PALM2AKAP2: variants seen among roughly 807,000 people sequenced by gnomAD.
The protein encoded by PALM2AKAP2 is PALM2-AKAP2 fusion protein.
A neutral mutation model predicts 71.5 loss-of-function variants in PALM2AKAP2; 37 were observed. That is an observed-to-expected ratio of 0.52 (90% CI 0.40 to 0.68). PALM2AKAP2 has a LOEUF of 0.68. Among genes scored for constraint, PALM2AKAP2 ranks in the 30% least tolerant of loss-of-function variants. The pLI is 0.00. For missense variants in PALM2AKAP2, 1,224 were observed against 1,191.8 expected, an observed-to-expected ratio of 1.03 and a Z score of -0.40; for synonymous variants, 468 against 478.8, an observed-to-expected ratio of 0.98 and a Z score of 0.29.
At chr9:110,077,781 C>T (rs530003149) in intron 1 of PALM2AKAP2, among the ~76,000 whole-genome samples, 55 of 152,142 alleles carry the variant, frequency 3.6e-4, no homozygotes, top group Non-Finnish European at 5.6e-4. Context: ...TTTGGGAGGC[C>T]GAGGTGGTCG....
chr9:109,703,746 T>C (rs1279289282), intron 1 of PALM2AKAP2, among the ~76,000 whole-genome samples: 1 of 143,244 alleles, frequency 7.0e-6, no homozygotes, highest in East Asian at 2.0e-4. Context: ...ATATAAACTT[T>C]AGATATATCA....
At chr9:109,699,828 G>A (rs899539586) in intron 1 of PALM2AKAP2, among the ~76,000 whole-genome samples, 4 of 150,116 alleles carry the variant, frequency 2.7e-5, no homozygotes, top group Admixed American at 6.6e-5. Context: ...AGGCTGGAGT[G>A]CAGTGGGCAT....
chr9:109,649,685 A>C (rs982345795), intron 1 of PALM2AKAP2, among the ~76,000 whole-genome samples: 1 of 152,204 alleles, frequency 6.6e-6, no homozygotes, highest in Non-Finnish European at 1.5e-5. Flanking sequence ...TGCATTTATT[A>C]TCCATTTCCA....
At chr9:109,650,222 T>C (rs994492509) in intron 1 of PALM2AKAP2, among the ~76,000 whole-genome samples, 28 of 152,142 alleles carry the variant, frequency 1.8e-4, no homozygotes, top group African/African-American at 4.8e-4. Context: ...CCACCAAACA[T>C]TGGGCCTTTG....
intron 3 of PALM2AKAP2, among the ~76,000 whole-genome samples, chr9:110,165,216 G>T (rs775377672): frequency 2.0e-5 from 3 of 151,158 alleles, no homozygotes; most frequent in Non-Finnish European, 4.4e-5. Flanking sequence ...ATAAAGGAAT[G>T]AACTTTAGAA....
At chr9:109,675,888 A>G (rs1334984579) in intron 1 of PALM2AKAP2, among the ~76,000 whole-genome samples, 3 of 152,084 alleles carry the variant, frequency 2.0e-5, no homozygotes, top group East Asian at 3.8e-4. Context: ...CCTTTACCAC[A>G]TTTATAGAAA....
chr9:109,700,386 T>TC (rs994401628), intron 1 of PALM2AKAP2, among the ~76,000 whole-genome samples: 11 of 152,278 alleles, frequency 7.2e-5, no homozygotes, highest in African/African-American at 2.6e-4. Context: ...TGCTCCTCCT[T>TC]CGCCTTCCGC....
exon 2 of PALM2AKAP2, chr9:110,137,214 C>T: frequency 6.2e-7 from 1 of 1,614,190 alleles, no homozygotes; most frequent in South Asian, 1.1e-5. Flanking sequence ...TTCTCTGCTG[C>T]TCGCAAACAA....
chr9:109,757,511 T>C (rs2182814), intron 1 of PALM2AKAP2, among the ~76,000 whole-genome samples: 30,591 of 152,040 alleles, frequency 0.2, 3,581 homozygotes, highest in East Asian at 0.4. Flanking sequence ...GAGGCAGGTC[T>C]GCCCCATACA....
At chr9:110,152,244 G>A (rs1407732463) in intron 2 of PALM2AKAP2, among the ~76,000 whole-genome samples, 2 of 151,630 alleles carry the variant, frequency 1.3e-5, no homozygotes, top group Non-Finnish European at 2.9e-5. Context: ...AAAAATGAAA[G>A]AAAAAAAAGT....
intron 1 of PALM2AKAP2, among the ~76,000 whole-genome samples, chr9:109,771,069 T>C (rs1187965139): frequency 6.6e-6 from 1 of 152,226 alleles, no homozygotes; most frequent in Non-Finnish European, 1.5e-5. Context: ...CTTCATCACA[T>C]GCAAACAATG....
At chr9:109,701,926 C>A (rs1382880399) in intron 1 of PALM2AKAP2, among the ~76,000 whole-genome samples, 3 of 151,922 alleles carry the variant, frequency 2.0e-5, no homozygotes, top group Admixed American at 2.0e-4. Flanking sequence ...AAAAAGTGGG[C>A]AAAGGATATG....
At chr9:109,732,747 G>T (rs1828575297) in intron 1 of PALM2AKAP2, among the ~76,000 whole-genome samples, 1 of 152,158 alleles carries the variant, frequency 6.6e-6, no homozygotes, top group Non-Finnish European at 1.5e-5. Flanking sequence ...TCAGGGGAGG[G>T]GTTAGAGAAT....
chr9:109,683,566 T>C (rs754702137), intron 1 of PALM2AKAP2, among the ~76,000 whole-genome samples: 3 of 152,196 alleles, frequency 2.0e-5, no homozygotes, highest in East Asian at 1.9e-4. Context: ...TTCAGCACTG[T>C]AGAGAATACA....
At chr9:110,093,418 C>A (rs1337200465) in intron 1 of PALM2AKAP2, among the ~76,000 whole-genome samples, 1 of 152,022 alleles carries the variant, frequency 6.6e-6, no homozygotes, top group Non-Finnish European at 1.5e-5. Flanking sequence ...GAAAAATGGG[C>A]TTCAAGGACA....
intron 1 of PALM2AKAP2, among the ~76,000 whole-genome samples, chr9:110,113,590 C>T (rs1316709771): frequency 6.6e-6 from 1 of 151,614 alleles, no homozygotes; most frequent in African/African-American, 2.4e-5. Context: ...GTGGCACAAT[C>T]TCGGCTCACT....
rs533326281 is a variant in PALM2AKAP2, at chr9:109,858,560, G to A, written c.46-8931G>A. 3.3e-5 allele frequency among the ~76,000 whole-genome samples: 5 copies of A among 152,230 alleles called. No individual in the cohort carries two copies. In the South Asian group the frequency reaches 1.0e-3, roughly 32 times the overall value. ...TCGTGGCAGAGCCCCTACCTGATAC[G>A]AGATCTCCTGACTCTGCTCACGAGA... On this transcript the variant is annotated intron_variant, in intron 1 of 9. Transcript: ENST00000302798.
At chr9:110,133,408 A>C (rs1200142749) in intron 1 of PALM2AKAP2, among the ~76,000 whole-genome samples, 1 of 151,884 alleles carries the variant, frequency 6.6e-6, no homozygotes, top group Non-Finnish European at 1.5e-5. Flanking sequence ...TTTTTTTTTA[A>C]AGGGTGTTGT....
intron 5 of PALM2AKAP2, among the ~76,000 whole-genome samples, chr9:109,930,631 C>G (rs1369738966): frequency 6.6e-6 from 1 of 152,186 alleles, no homozygotes; most frequent in African/African-American, 2.4e-5. Flanking sequence ...AGAAAAGGGT[C>G]TGGTTGGTCT....
Sources: gnomAD v4.1 joint callset for allele counts (sites outside exome capture counted in the v4.1 genomes callset) on GRCh38, gnomAD v4.1.1 for gene constraint, MANE v1.5 for transcripts, NCBI Gene and HGNC (gene_info 2026-07-23, HGNC 2026-07-21) for gene names.